DKK1: variants seen among roughly 807,000 people sequenced by gnomAD.
DKK1 encodes the protein dickkopf-related protein 1.
Under a neutral mutation model 26.0 loss-of-function variants are expected in DKK1, and 18 were observed. The observed-to-expected ratio is 0.69, with a 90% CI of 0.48 to 1.03. The LOEUF (loss-of-function observed/expected upper bound fraction) is 1.03, where lower values mean the gene tolerates loss of function less well. Among genes scored for constraint, DKK1 ranks in the 50% least tolerant of loss-of-function variants. The pLI, the probability that DKK1 is intolerant of heterozygous loss-of-function variation, is 0.00. For synonymous variants in DKK1, 130 were observed against 132.6 expected, an observed-to-expected ratio of 0.98 and a Z score of 0.13; for missense variants, 335 against 348.5, an observed-to-expected ratio of 0.96 and a Z score of 0.31.
In DKK1 at chr10:52,316,435, G is replaced by C; in HGVS notation, c.547G>C (p.Gly183Arg). Residue 183 changes from glycine to arginine, a missense_variant and splice_region_variant, in exon 3 of 4, where the codon GGA (glycine) becomes CGA (arginine). Transcript: ENST00000373970. ...TLSSKMYHTK[G>R]QEGSVCLRSS... ...GTCTTCAAAAATGTATCACACCAAA[G>C]GTAAGGATGTTAAGACTCATTCTTA... 6.2e-7 allele frequency: 1 copy of C among 1,614,030 alleles called. No homozygotes were observed. Among genetic ancestry groups the C allele is most frequent in the Non-Finnish European group, 8.5e-7 (1 of 1,179,978 alleles).
In DKK1 at chr10:52,314,934, C is replaced by A; in HGVS notation, c.255C>A (p.Cys85Ter). The change falls in exon 2 of 4, where the codon TGC becomes TGA. Residue 85 changes from cysteine to a stop codon, truncating the protein, a stop_gained. Coordinates refer to ENST00000373970, the MANE Select transcript of DKK1 (RefSeq NM_012242.4). LOFTEE classifies it high-confidence loss of function. The surrounding 1 kb of genome is among the most constrained non-coding windows in gnomAD (Gnocchi z 5.7). ...QTIDNYQPYP[C>*]AEDEECGTDE... ...AACCCTTCCCACAGCCGTACCCGTG[C>A]GCAGAGGACGAGGAGTGCGGCACTG... 6.5e-7 allele frequency: 1 copy of A among 1,542,122 alleles called. No individual in the cohort carries two copies. The highest frequency in any genetic ancestry group is 8.8e-7 in the Non-Finnish European group (1 of 1,138,016).
intron 2 of DKK1, among the ~76,000 whole-genome samples, chr10:52,315,719 AAGGTGGATTT>A (rs1220109167): frequency 1.3e-5 from 2 of 152,146 alleles, no homozygotes; most frequent in African/African-American, 4.8e-5. Context: ...AATTTTTCAA[AAGGTGGATTT>A]AGACAGCTAA....
At position 52,316,594 on chromosome 10, in the gene DKK1, C is replaced by A. The variant is rs766896524; in HGVS notation, c.588C>A (p.Ala196=). 1.2e-6 allele frequency: 2 copies of A among 1,614,038 alleles called. No homozygotes were observed. The highest frequency in any genetic ancestry group is 4.5e-5 in the East Asian group (2 of 44,878). ...TTTGTCTCCGGTCATCAGACTGTGC[C>A]TCAGGATTGTGTTGTGCTAGACACT... ...GSVCLRSSDC[A]SGLCCARHFW... Residue 196 remains alanine (A), a synonymous_variant, in exon 4 of 4, where the codon GCC becomes GCA. Transcript: ENST00000373970.
At chr10:52,315,570 CT>C (rs1192689410) in intron 2 of DKK1, among the ~76,000 whole-genome samples, 3 of 152,172 alleles carry the variant, frequency 2.0e-5, no homozygotes, top group African/African-American at 7.2e-5. Context: ...AGCCAGAGGA[CT>C]GATTTATCTG....
intron 2 of DKK1, among the ~76,000 whole-genome samples, chr10:52,315,482 C>A (rs144765115): frequency 3.2e-3 from 482 of 152,238 alleles, no homozygotes; most frequent in African/African-American, 0.011. Flanking sequence ...TTCAGCTGTC[C>A]TTTTCATTTT....
chr10:52,316,150 A>G, intron 2 of DKK1, 145 bp from the exon 3 acceptor site: 1 of 963,926 alleles, frequency 1.0e-6, no homozygotes, highest in Non-Finnish European at 1.5e-6. Context: ...TTAACAGTAA[A>G]GAGGAAGTTT....
rs1287011286 is a variant in DKK1 at position 52,316,322 on chromosome 10, A to G, written c.434A>G (p.His145Arg). Residue 145 changes from histidine (H) to arginine (R), a missense_variant, in exon 3 of 4, where the codon CAT becomes CGT. Transcript: ENST00000373970. The part of the protein sequence containing the change: ...NGICVSSDQN[H>R]FRGEIEETIT... ...ATATGTGTGTCTTCTGATCAAAATCATTTCCGAGGAGAAATTGAGGAAACC... is the reference window on the plus strand; with the variant it reads ...ATATGTGTGTCTTCTGATCAAAATCGTTTCCGAGGAGAAATTGAGGAAACC... 1.2e-6 allele frequency: 2 copies of G among 1,614,160 alleles called. No individual in the cohort carries two copies. The highest frequency in any genetic ancestry group is 1.7e-6 in the Non-Finnish European group (2 of 1,180,018).
Position 52,314,336 on chromosome 10 carries a change from C to T in DKK1, c.-99C>T. 6.4e-7 allele frequency: 1 copy of T among 1,551,186 alleles called. No individual in the cohort carries two copies. Among genetic ancestry groups the T allele is most frequent in the Non-Finnish European group, 8.7e-7 (1 of 1,145,958 alleles). ...TCTGGGACCGCAGGGGGCTCCCGGA[C>T]CCTGACTCTGCAGCCGAACCGGCAC... On this transcript the variant is annotated 5_prime_UTR_variant, in exon 1 of 4. Transcript: ENST00000373970. The surrounding 1 kb of genome is among the most constrained non-coding windows in gnomAD (Gnocchi z 5.7).
Position 52,314,683 on chromosome 10 carries a change from A to G in DKK1, c.243+6A>G. The stretch of plus-strand genomic sequence containing the variant: ...AGACCATTGACAACTACCAGGTGAG[A>G]GGGGTCGGGCACTCAGAGGATGCTC... On this transcript the variant is annotated splice_donor_region_variant and intron_variant, in intron 1 of 3. Transcript: ENST00000373970. The surrounding 1 kb of genome is among the most constrained non-coding windows in gnomAD (Gnocchi z 5.7). The G allele has an allele frequency of 6.2e-7, 1 of 1,611,656 alleles. No individual in the cohort carries two copies. The highest frequency in any genetic ancestry group is 8.5e-7 in the Non-Finnish European group (1 of 1,178,968).
chr10:52,315,401 G>A, intron 2 of DKK1: 1 of 251,712 alleles, frequency 4.0e-6, no homozygotes, highest in Non-Finnish European at 7.5e-6. Context: ...AGAACCTTGA[G>A]GTCAATTGAG....
In DKK1 at chr10:52,316,920, G is replaced by C; in HGVS notation, c.*113G>C. 7.8e-7 allele frequency: 1 copy of C among 1,287,708 alleles called. No individual in the cohort carries two copies. The highest frequency in any genetic ancestry group is 1.1e-6 in the Non-Finnish European group (1 of 938,672). 79.8% of individuals were successfully genotyped at this position (1,287,708 alleles called of 1,614,324 possible). On this transcript the variant is annotated 3_prime_UTR_variant, in exon 4 of 4. Coordinates refer to ENST00000373970, the MANE Select transcript of DKK1 (RefSeq NM_012242.4). ...ATACAAGTTCTGTGGTTTCAGTTAA[G>C]CATTCCAATAACACCTTCCAAAAAC... is the stretch of plus-strand genomic sequence containing the variant.
rs74711339 is a variant in DKK1, at chr10:52,316,889, A to C, written c.*82A>C. 1.0e-5 allele frequency: 15 copies of C among 1,467,020 alleles called. No homozygotes were observed. The highest frequency in any genetic ancestry group is 1.4e-5 in the Non-Finnish European group (15 of 1,082,782). 90.9% of individuals were successfully genotyped at this position (1,467,020 alleles called of 1,614,324 possible). A position where few individuals can be genotyped will look rare whatever the true frequency, so the allele number is the denominator to read the frequency against. On this transcript the variant is annotated 3_prime_UTR_variant, in exon 4 of 4. Coordinates refer to ENST00000373970, the MANE Select transcript of DKK1 (RefSeq NM_012242.4). ...TTATGACCTTCATCAACTCAATCCT[A>C]AGGATATACAAGTTCTGTGGTTTCA...
In DKK1 at chr10:52,315,938, G is replaced by T. The variant is rs185660218; in HGVS notation, c.407-357G>T. On this transcript the variant is annotated intron_variant, in intron 2 of 3. Coordinates refer to ENST00000373970, the MANE Select transcript of DKK1 (RefSeq NM_012242.4). ...GGACCCATATAGCACCAGGGGCAGA[G>T]AAGTTATTTTTAAGAACATTTTTAA... Among the ~76,000 whole-genome samples the T allele has an allele frequency of 3.3e-5, 5 of 152,348 alleles. No homozygotes were observed. In the East Asian group the frequency reaches 7.7e-4, roughly 24 times the overall value.
chr10:52,314,782 G>A lies in DKK1; in HGVS notation c.243+105G>A, dbSNP rs988182645. 1.4e-4 allele frequency: 209 copies of A among 1,528,910 alleles called. No homozygotes were observed. Among genetic ancestry groups the A allele is most frequent in the Non-Finnish European group, 1.8e-4 (200 of 1,136,248 alleles). The allele number at this position is 1,528,910 out of a possible 1,614,324, so 94.7% of individuals were successfully genotyped here. On this transcript the variant is annotated intron_variant, in intron 1 of 3. Transcript: ENST00000373970. This position sits in a 1 kb window ranked among gnomAD's most constrained non-coding sequence, Gnocchi z 5.7. Reference sequence around the variant, plus strand: ...ATGTGTGCGGTTCAGGGAGCATTTGGTAACCCTGCATTTGGGAGCAGTGGG... The same window carrying A: ...ATGTGTGCGGTTCAGGGAGCATTTGATAACCCTGCATTTGGGAGCAGTGGG...
In DKK1 at chr10:52,314,926, TA is replaced by T; in HGVS notation, c.248del (p.Tyr83SerfsTer132). 1 of 1,530,324 alleles carries T rather than the reference TA, an allele frequency of 6.5e-7. No homozygotes were observed. 94.8% of individuals were successfully genotyped at this position (1,530,324 alleles called of 1,614,324 possible). A position where few individuals can be genotyped will look rare whatever the true frequency, so the allele number is the denominator to read the frequency against. On this transcript the variant is annotated frameshift_variant, in exon 2 of 4. Coordinates refer to ENST00000373970, the MANE Select transcript of DKK1 (RefSeq NM_012242.4). LOFTEE classifies it high-confidence loss of function. The surrounding 1 kb of genome is among the most constrained non-coding windows in gnomAD (Gnocchi z 5.7). ...KYQTIDNYQP[Y>X]PCAEDEECGT... Reference sequence around the variant, plus strand: ...TCTCCCCGAACCCTTCCCACAGCCGTACCCGTGCGCAGAGGACGAGGAGTGC... The same window carrying T: ...TCTCCCCGAACCCTTCCCACAGCCGTCCCGTGCGCAGAGGACGAGGAGTGC...
intron 2 of DKK1, among the ~76,000 whole-genome samples, chr10:52,315,935 A>C (rs966262871): frequency 1.3e-5 from 2 of 152,228 alleles, no homozygotes; most frequent in African/African-American, 2.4e-5. Flanking sequence ...CACCAGGGGC[A>C]GAGAAGTTAT....
Position 52,314,653 on chromosome 10 carries a change from G to C in DKK1, c.219G>C (p.Lys73Asn), listed in dbSNP as rs753773509. The C allele has an allele frequency of 8.1e-6, 13 of 1,613,130 alleles. No individual in the cohort carries two copies. The South Asian group carries it at 1.3e-4, about 16-fold the overall frequency. Residue 73 changes from lysine to asparagine, a missense_variant, in exon 1 of 4, where the codon AAG becomes AAC. Coordinates refer to ENST00000373970, the MANE Select transcript of DKK1 (RefSeq NM_012242.4). This position sits in a 1 kb window ranked among gnomAD's most constrained non-coding sequence, Gnocchi z 5.7. ...APGILYPGGN[K>N]YQTIDNYQPY... is the part of the protein sequence containing the mutation. ...GAATCCTGTACCCGGGCGGGAATAA[G>C]TACCAGACCATTGACAACTACCAGG... is the stretch of plus-strand genomic sequence containing the variant.
Position 52,316,845 on chromosome 10 carries a change from T to G in DKK1, c.*38T>G. On this transcript the variant is annotated 3_prime_UTR_variant, in exon 4 of 4. Coordinates refer to ENST00000373970, the MANE Select transcript of DKK1 (RefSeq NM_012242.4). ...AATGCAGTGAACTCCTTTTATATAA[T>G]AGATGCTATGAAAACCTTTTATGAC... The G allele has an allele frequency of 6.3e-7, 1 of 1,599,846 alleles. No individual in the cohort carries two copies. The highest frequency in any genetic ancestry group is 8.5e-7 in the Non-Finnish European group (1 of 1,173,172).
At position 52,316,343 on chromosome 10, in the gene DKK1, A is replaced by T. The variant is rs1232257680; in HGVS notation, c.455A>T (p.Glu152Val). Residue 152 changes from glutamate (E) to valine (V), a missense_variant, in exon 3 of 4, where the codon GAA becomes GTA. By Grantham distance (121) the Glu-to-Val change is moderately radical. Coordinates refer to ENST00000373970, the MANE Select transcript of DKK1 (RefSeq NM_012242.4). ...DQNHFRGEIE[E>V]TITESFGNDH... Reference sequence around the variant, plus strand: ...AATCATTTCCGAGGAGAAATTGAGGAAACCATCACTGAAAGCTTTGGTAAT... The same window carrying T: ...AATCATTTCCGAGGAGAAATTGAGGTAACCATCACTGAAAGCTTTGGTAAT... 2 of 1,614,154 alleles carry T rather than the reference A, an allele frequency of 1.2e-6. No homozygotes were observed. The highest frequency in any genetic ancestry group is 1.7e-6 in the Non-Finnish European group (2 of 1,180,002).
Sources: allele counts gnomAD v4.1 joint callset (sites outside exome capture counted in the v4.1 genomes callset), GRCh38; gene constraint gnomAD v4.1.1; non-coding constraint Gnocchi (gnomAD v3.1); transcripts MANE v1.5; gene names NCBI Gene and HGNC (gene_info 2026-07-23, HGNC 2026-07-21).